GALNT16: variants seen among roughly 807,000 people sequenced by gnomAD.
The protein encoded by GALNT16 is UDP-GalNAc:polypeptide N-acetylgalactosaminyltransferase-like protein 1.
A neutral mutation model predicts 76.1 loss-of-function variants in GALNT16; 40 were observed. That is an observed-to-expected ratio of 0.53 (90% confidence interval 0.41 to 0.68). GALNT16 has a LOEUF of 0.68. Ranked by LOEUF, GALNT16 falls within the 30% of genes least tolerant of loss-of-function variation. GALNT16 has a pLI of 0.00. For missense variants in GALNT16, 621 were observed against 731.9 expected, an observed-to-expected ratio of 0.85 and a Z score of 1.75; for synonymous variants, 276 against 285.2, an observed-to-expected ratio of 0.97 and a Z score of 0.32.
chr14:69,260,362 A>C lies in GALNT16; in HGVS notation c.72A>C (p.Leu24Phe), dbSNP rs2140089540. The C allele has an allele frequency of 1.2e-6, 2 of 1,611,524 alleles. No homozygotes were observed. The highest frequency in any genetic ancestry group is 2.7e-5 in the African/African-American group (2 of 74,866). ...GGATCCTGGGCACTTTCTACTACTT[A>C]TGGCAGGACAACCGAGCCCACGCAG... ...VAWILGTFYYLWQDNRAHAAS... is the reference protein window; with the variant it reads ...VAWILGTFYYFWQDNRAHAAS... Residue 24 changes from leucine (L) to phenylalanine (F), a missense_variant, in exon 1 of 15, where the codon TTA becomes TTC. Coordinates refer to ENST00000448469, the MANE Select transcript of GALNT16 (RefSeq NM_001168368.2).
chr14:69,314,188 G>C (rs1263016905), intron 1 of GALNT16, among the ~76,000 whole-genome samples: 1 of 152,256 alleles, frequency 6.6e-6, no homozygotes, highest in Non-Finnish European at 1.5e-5. Context: ...TATAATAATA[G>C]TTAATAACAA....
chr14:69,286,384 C>T (rs1198207359), intron 1 of GALNT16, among the ~76,000 whole-genome samples: 1 of 150,852 alleles, frequency 6.6e-6, no homozygotes, highest in African/African-American at 2.4e-5. Flanking sequence ...CTCACTGCAA[C>T]CTCTGGCTCC....
chr14:69,279,034 C>T (rs1369843649), intron 1 of GALNT16, among the ~76,000 whole-genome samples: 7 of 151,828 alleles, frequency 4.6e-5, no homozygotes, highest in African/African-American at 1.2e-4. Flanking sequence ...CAGGTTCAAG[C>T]GATTCTCCGG....
Position 69,325,364 on chromosome 14 carries a change from G to C in GALNT16, c.462G>C (p.Leu154Phe). The C allele has an allele frequency of 6.2e-7, 1 of 1,603,800 alleles. No individual in the cohort carries two copies. Among genetic ancestry groups the C allele is most frequent in the Middle Eastern group, 1.7e-4 (1 of 6,050 alleles). The change falls in exon 4 of 15, where the codon TTG becomes TTC. Residue 154 changes from leucine to phenylalanine, a missense_variant. Physicochemically the swap from Leu to Phe is conservative, Grantham distance 22. Coordinates refer to ENST00000448469, the MANE Select transcript of GALNT16 (RefSeq NM_001168368.2). ...TCCTGAACCGAACTCCTGCCAACTT[G>C]ATCCAGGAGATCATTTTAGTGGATG... ...KSVLNRTPAN[L>F]IQEIILVDDF... is the part of the protein sequence containing the mutation.
At chr14:69,348,062 G>A in intron 14 of GALNT16, 60 bp downstream of exon 14, 1 of 1,562,486 alleles carries the variant, frequency 6.4e-7, no homozygotes, top group Non-Finnish European at 8.8e-7. Flanking sequence ...GCCTCAGGGT[G>A]GCAGACCTTG....
rs1348945829 is a variant in GALNT16, at chr14:69,322,986, GCGCACGCGCGCACGCA to G, written c.336-1705_336-1690del. ...TGTGTGTGTGTGTGTGTGTGTGCGCGCGCACGCGCGCACGCATGCACACGTGTAGGGAAGCAAAGGA... is the reference window on the plus strand; with the variant it reads ...TGTGTGTGTGTGTGTGTGTGTGCGCGTGCACACGTGTAGGGAAGCAAAGGA... On this transcript the variant is annotated intron_variant, in intron 2 of 14. Transcript: ENST00000448469. 3.2e-3 allele frequency among the ~76,000 whole-genome samples: 92 copies of G among 28,998 alleles called. 6 individuals carry two copies. The highest frequency in any genetic ancestry group is 0.02 in the African/African-American group (67 of 3,338). 19.0% of individuals were successfully genotyped at this position (28,998 alleles called of 152,430 possible).
At chr14:69,296,586 A>G (rs1266993525) in intron 1 of GALNT16, among the ~76,000 whole-genome samples, 1 of 152,092 alleles carries the variant, frequency 6.6e-6, no homozygotes, top group Non-Finnish European at 1.5e-5. Context: ...CCAGCTACTC[A>G]GGAGGCTGAG....
chr14:69,344,465 T>C (rs2045536101), intron 12 of GALNT16, among the ~76,000 whole-genome samples: 1 of 152,190 alleles, frequency 6.6e-6, no homozygotes. Context: ...CCTGTGTACA[T>C]AGAAGAGACC....
At chr14:69,319,358 G>A (rs902721400) in intron 1 of GALNT16, among the ~76,000 whole-genome samples, 4 of 152,212 alleles carry the variant, frequency 2.6e-5, no homozygotes, top group African/African-American at 9.6e-5. Flanking sequence ...TCCACACAGC[G>A]ATCCACTCCC....
the GALNT16 span, among the ~76,000 whole-genome samples, chr14:69,382,608 C>T: frequency 1.3e-5 from 2 of 151,178 alleles, no homozygotes; most frequent in Non-Finnish European, 2.9e-5. Flanking sequence ...CTGAGGCAGG[C>T]GGGCCACAAT....
chr14:69,367,482 T>C, the GALNT16 span, among the ~76,000 whole-genome samples: 1 of 151,912 alleles, frequency 6.6e-6, no homozygotes, highest in Non-Finnish European at 1.5e-5. Context: ...CACCAGCACC[T>C]AACCATCCTG....
In GALNT16 at chr14:69,333,121, T is replaced by C; in HGVS notation, c.815T>C (p.Ile272Thr). The C allele has an allele frequency of 6.2e-7, 1 of 1,613,924 alleles. No individual in the cohort carries two copies. ...AGCCTGCATTTCAAGTGGGAGCAGA[T>C]CCCTCTTGAGCAGAAGATGACCCGG... ...DWSLHFKWEQ[I>T]PLEQKMTRTD... Residue 272 changes from isoleucine to threonine, a missense_variant, in exon 8 of 15, where the codon ATC (isoleucine) becomes ACC (threonine). By Grantham distance (89) the Ile-to-Thr change is moderately conservative. Coordinates refer to ENST00000448469, the MANE Select transcript of GALNT16 (RefSeq NM_001168368.2). The surrounding 1 kb of genome is among the most constrained non-coding windows in gnomAD (Gnocchi z 4.2).
chr14:69,347,078 A>G lies in GALNT16; in HGVS notation c.1310A>G (p.Gln437Arg). The change falls in exon 13 of 15, where the codon CAG becomes CGG. Residue 437 changes from glutamine to arginine, a missense_variant. By Grantham distance (43) the Gln-to-Arg change is conservative. Transcript: ENST00000448469. ...VKEALPGIIKQGVNCLESQGQ... is the reference protein window; with the variant it reads ...VKEALPGIIKRGVNCLESQGQ... ...GAAGCACTCCCCGGCATCATTAAGC[A>G]GGGGGTGAACTGCTTAGAATCTCAG... The G allele has an allele frequency of 6.2e-7, 1 of 1,613,912 alleles. No homozygotes were observed. The highest frequency in any genetic ancestry group is 1.1e-5 in the South Asian group (1 of 91,068).
chr14:69,339,381 G>A (rs2045455389), intron 10 of GALNT16, 146 bp from the exon 11 acceptor site: 1 of 661,158 alleles, frequency 1.5e-6, no homozygotes. Context: ...TCTTCCAAAA[G>A]GACCGTGCTA....
At chr14:69,320,653 C>G in intron 1 of GALNT16, 58 bp from the exon 2 acceptor site, 2 of 1,539,282 alleles carry the variant, frequency 1.3e-6, no homozygotes, top group Admixed American at 1.7e-5. Flanking sequence ...GCTGAGCACT[C>G]GCCAAGCAGT....
At position 69,308,457 on chromosome 14, in the gene GALNT16, T is replaced by C. The variant is rs1011649080; in HGVS notation, c.178-12254T>C. On this transcript the variant is annotated intron_variant, in intron 1 of 14. Transcript: ENST00000448469. ...CATGCATATGTTTATAAACTATTTATATAAAATGAATCACACTGTATATAT... is the reference window on the plus strand; with the variant it reads ...CATGCATATGTTTATAAACTATTTACATAAAATGAATCACACTGTATATAT... Among the ~76,000 whole-genome samples, 6 of 152,318 alleles carry C rather than the reference T, an allele frequency of 3.9e-5. No individual in the cohort carries two copies. The South Asian group carries it at 6.2e-4, about 16-fold the overall frequency.
At chr14:69,322,979 TGTGCGCGC>T (rs1164404785) in intron 2 of GALNT16, among the ~76,000 whole-genome samples, 2 of 31,744 alleles carry the variant, frequency 6.3e-5, no homozygotes, top group Admixed American at 3.5e-4. Context: ...TGTGTGTGTG[TGTGCGCGC>T]GCACGCGCGC....
chr14:69,331,520 C>T lies in GALNT16; in HGVS notation c.747C>T (p.Ala249=). The change falls in exon 7 of 15, where the codon GCC becomes GCT. Residue 249 remains alanine, a synonymous_variant. Transcript: ENST00000448469. ...IIDVISLDNF[A]YLAASADLRG... is the part of the protein sequence containing the mutation. ...ATGTCATCAGTCTGGATAATTTTGC[C>T]TACCTTGCAGCATCTGCTGACCTTC... is the stretch of plus-strand genomic sequence containing the variant. 1 of 1,610,252 alleles carries T rather than the reference C, an allele frequency of 6.2e-7. No homozygotes were observed. Among genetic ancestry groups the T allele is most frequent in the Non-Finnish European group, 8.5e-7 (1 of 1,176,446 alleles).
intron 1 of GALNT16, among the ~76,000 whole-genome samples, chr14:69,289,129 C>T (rs916138557): frequency 6.6e-6 from 1 of 152,188 alleles, no homozygotes; most frequent in Non-Finnish European, 1.5e-5. Flanking sequence ...CCTCCTACCT[C>T]GGCCTCCCAG....
Sources: allele counts gnomAD v4.1 joint callset (sites outside exome capture counted in the v4.1 genomes callset), GRCh38; gene constraint gnomAD v4.1.1; non-coding constraint Gnocchi (gnomAD v3.1); transcripts MANE v1.5; gene names NCBI Gene and HGNC (gene_info 2026-07-23, HGNC 2026-07-21).